CDC14B: variants seen among roughly 807,000 people sequenced by gnomAD.
CDC14B encodes the protein cell division cycle 14B.
In CDC14B, 22 loss-of-function variants were observed where a neutral mutation model predicts 64.2. The ratio of observed to expected loss-of-function variants is 0.34; its 90% CI spans 0.24 to 0.49. The LOEUF is 0.49. Ranked by LOEUF, CDC14B falls within the 20% of genes least tolerant of loss-of-function variation. The probability of loss-of-function intolerance (pLI) is 0.99; values close to 1 mark genes in which losing one functional copy is unlikely to be tolerated. For synonymous variants in CDC14B, 191 were observed against 215.8 expected (o/e 0.89, Z 1.01); for missense variants, 498 against 629.9 (o/e 0.79, Z 2.24).
At chr9:96,558,478 G>A (rs1436533440) in intron 4 of CDC14B, among the ~76,000 whole-genome samples, 2 of 152,030 alleles carry the variant, frequency 1.3e-5, no homozygotes, top group African/African-American at 2.4e-5. Flanking sequence ...AAACATATAC[G>A]TACACAACAT....
chr9:96,505,997 G>GT (rs1221191918), intron 13 of CDC14B, among the ~76,000 whole-genome samples: 1 of 152,198 alleles, frequency 6.6e-6, no homozygotes, highest in Non-Finnish European at 1.5e-5. Context: ...GAGCCTCTCA[G>GT]TAAAACCAAA....
intron 12 of CDC14B, among the ~76,000 whole-genome samples, chr9:96,511,621 G>C (rs1270791332): frequency 1.3e-5 from 2 of 152,196 alleles, no homozygotes; most frequent in Non-Finnish European, 2.9e-5. Flanking sequence ...GCCTTCTGGG[G>C]AGAAGGGGAT....
At chr9:96,607,036 T>C (rs77812778) in intron 1 of CDC14B, among the ~76,000 whole-genome samples, 1 of 143,168 alleles carries the variant, frequency 7.0e-6, no homozygotes, top group Non-Finnish European at 1.5e-5. Context: ...CAAAAAAATT[T>C]AAAAAAAAAA....
chr9:96,491,509 A>G (rs1833095822), exon 14 of CDC14B: 1 of 152,164 alleles, frequency 6.6e-6, no homozygotes, highest in African/African-American at 2.4e-5. Context: ...AGGTTTATCA[A>G]CTGAGTGTTT....
At chr9:96,498,893 G>A (rs1366234148), downstream of CDC14B, among the ~76,000 whole-genome samples, 1 of 152,242 alleles carries the variant, frequency 6.6e-6, no homozygotes, top group Non-Finnish European at 1.5e-5. Flanking sequence ...GACAGGGAAG[G>A]AGACAAGTCT....
intron 1 of CDC14B, among the ~76,000 whole-genome samples, chr9:96,616,308 G>A (rs1477763662): frequency 6.6e-6 from 1 of 151,834 alleles, no homozygotes; most frequent in South Asian, 2.1e-4. Context: ...CCGGGCAACA[G>A]AGCAAGACTC....
chr9:96,596,275 T>C (rs1846066525), intron 1 of CDC14B, among the ~76,000 whole-genome samples: 1 of 151,498 alleles, frequency 6.6e-6, no homozygotes, highest in East Asian at 2.0e-4. Context: ...GACAGGAGAA[T>C]TGCTTGAACC....
intron 12 of CDC14B, among the ~76,000 whole-genome samples, chr9:96,517,398 A>G (rs373658617): frequency 8.8e-5 from 13 of 148,062 alleles, no homozygotes; most frequent in African/African-American, 3.2e-4. Context: ...CACACCTGTA[A>G]TCCCAGCACT....
At chr9:96,493,237 C>T (rs1833131109) in exon 14 of CDC14B, 1 of 152,364 alleles carries the variant, frequency 6.6e-6, no homozygotes, top group South Asian at 2.1e-4. Flanking sequence ...CTGCTCTCTC[C>T]ACATGGCGGC....
At chr9:96,606,271 T>C (rs1297596085) in intron 1 of CDC14B, among the ~76,000 whole-genome samples, 1 of 130,214 alleles carries the variant, frequency 7.7e-6, no homozygotes, top group Non-Finnish European at 1.5e-5. Context: ...AGGCAGAGGC[T>C]GCAGTGAGCC....
intron 4 of CDC14B, 37 bp from the exon 5 acceptor site, chr9:96,551,909 C>A (rs1236957563): frequency 6.3e-6 from 10 of 1,587,520 alleles, no homozygotes; most frequent in Non-Finnish European, 8.5e-6. Flanking sequence ...CAATTTATTT[C>A]TAAGTGAAGA....
intron 4 of CDC14B, among the ~76,000 whole-genome samples, chr9:96,554,559 A>G (rs1462944103): frequency 1.3e-5 from 2 of 152,134 alleles, no homozygotes; most frequent in African/African-American, 4.8e-5. Flanking sequence ...CCTATGGGGG[A>G]AAAAACCCCT....
intron 12 of CDC14B, among the ~76,000 whole-genome samples, chr9:96,519,752 AAG>A (rs1564225937): frequency 6.6e-6 from 1 of 150,874 alleles, no homozygotes; most frequent in African/African-American, 2.5e-5. Context: ...AAAAAAAAAA[AAG>A]AGAAACCAAT....
intron 9 of CDC14B, among the ~76,000 whole-genome samples, chr9:96,527,468 AAT>A (rs1837750729): frequency 6.6e-6 from 1 of 152,194 alleles, no homozygotes; most frequent in East Asian, 1.9e-4. Context: ...TAAGTTTCTG[AAT>A]ATCATTTTAA....
chr9:96,515,851 C>A lies in CDC14B; in HGVS notation c.1344-6062G>T. 6.8e-7 allele frequency: 1 copy of A among 1,469,260 alleles called. No individual in the cohort carries two copies. The highest frequency in any genetic ancestry group is 9.2e-7 in the Non-Finnish European group (1 of 1,089,388). 91.0% of individuals were successfully genotyped at this position (1,469,260 alleles called of 1,614,324 possible). A position where few individuals can be genotyped will look rare whatever the true frequency, so the allele number is the denominator to read the frequency against. Reference sequence around the variant, plus strand: ...CAAATTGGGAAGCCAAAATAAATTACGCAATCATCAATCAATCAAGCCATA... The same window carrying A: ...CAAATTGGGAAGCCAAAATAAATTAAGCAATCATCAATCAATCAAGCCATA... On this transcript the variant is annotated intron_variant, in intron 12 of 13. Transcript: ENST00000375241. The surrounding 1 kb of genome is among the most constrained non-coding windows in gnomAD (Gnocchi z 4.3).
chr9:96,615,161 T>C (rs549278670), intron 1 of CDC14B, among the ~76,000 whole-genome samples: 48 of 152,278 alleles, frequency 3.2e-4, no homozygotes, highest in African/African-American at 8.7e-4. Context: ...TTATGACCTT[T>C]TGTTTTCATG....
At position 96,619,825 on chromosome 9, in the gene CDC14B, TC is replaced by T. The variant is rs1847863604; in HGVS notation, c.-448del. On this transcript the variant is annotated 5_prime_UTR_variant, in exon 1 of 14. The change creates a premature stop within an existing upstream ORF in the 5' untranslated region. Transcript: ENST00000375241. ...CTCGTGGGGACCCCAGGAGGGCTGT[TC>T]CGTGGCGCTTCATTCACAAAAAAGG... 6.6e-6 allele frequency: 1 copy of T among 151,950 alleles called. No homozygotes were observed. The highest frequency in any genetic ancestry group is 1.5e-5 in the Non-Finnish European group (1 of 67,934). The allele number at this position is 151,950 out of a possible 1,614,324, so 9.4% of individuals were successfully genotyped here.
intron 1 of CDC14B, chr9:96,566,759 C>G (rs1417857400): frequency 1.9e-6 from 3 of 1,604,004 alleles, no homozygotes; most frequent in South Asian, 2.2e-5. Context: ...CCCCGCCCTC[C>G]CGGCTCACCT....
chr9:96,598,464 G>A (rs1039034512), intron 1 of CDC14B, among the ~76,000 whole-genome samples: 3 of 152,108 alleles, frequency 2.0e-5, no homozygotes, highest in Non-Finnish European at 4.4e-5. Context: ...AGCCTCCCCA[G>A]TAGCTGGGAT....
Sources: gnomAD v4.1 joint callset for allele counts (sites outside exome capture counted in the v4.1 genomes callset) on GRCh38, gnomAD v4.1.1 for gene constraint, Gnocchi (gnomAD v3.1) non-coding constraint, MANE v1.5 for transcripts, NCBI Gene and HGNC (gene_info 2026-07-23, HGNC 2026-07-21) for gene names.